Variants in SERINC5 observed in about 807,000 individuals in gnomAD.
SERINC5 encodes chromosome 5 open reading frame 12.
In SERINC5, 41 loss-of-function variants were observed where a neutral mutation model predicts 63.1. The ratio of observed to expected loss-of-function variants is 0.65; its 90% CI spans 0.51 to 0.84. The LOEUF (loss-of-function observed/expected upper bound fraction) is 0.84. Ranked by LOEUF, SERINC5 falls within the 40% of genes least tolerant of loss-of-function variation. SERINC5 has a pLI of 0.00. For synonymous variants in SERINC5, 222 were observed against 215.2 expected (o/e 1.03, Z -0.28); for missense variants, 523 against 573.0 (o/e 0.91, Z 0.89).
In SERINC5 at chr5:80,141,779, G is replaced by A. The variant is rs1745525538; in HGVS notation, c.*1884C>T. 1 of 985,242 alleles carries A rather than the reference G, an allele frequency of 1.0e-6. No homozygotes were observed. The highest frequency in any genetic ancestry group is 1.2e-6 in the Non-Finnish European group (1 of 829,934). The allele number at this position is 985,242 out of a possible 1,614,324, so 61.0% of individuals were successfully genotyped here. ...TCCAGATGAATCTTTTAACTGCTGA[G>A]TACAGAGCTCCTGCCCTAAAAAAGG... is the stretch of plus-strand genomic sequence containing the variant. On this transcript the variant is annotated 3_prime_UTR_variant, in exon 12 of 12. Coordinates refer to ENST00000507668, the MANE Select transcript of SERINC5 (RefSeq NM_001174072.3).
At chr5:80,190,926 C>G (rs1446966561) in intron 2 of SERINC5, among the ~76,000 whole-genome samples, 1 of 145,276 alleles carries the variant, frequency 6.9e-6, no homozygotes, top group Non-Finnish European at 1.5e-5. Flanking sequence ...CCCAGACCCT[C>G]ATTTTCTCCA....
At chr5:80,243,693 CCCAGGAGTTTGGGA>C (rs892639845) in intron 1 of SERINC5, among the ~76,000 whole-genome samples, 1 of 151,546 alleles carries the variant, frequency 6.6e-6, no homozygotes, top group African/African-American at 2.4e-5. Flanking sequence ...ATTGCTTAAG[CCCAGGAGTTTGGGA>C]CCAGCCTGGG....
chr5:80,210,616 C>T (rs1750388818), intron 1 of SERINC5, among the ~76,000 whole-genome samples: 1 of 152,068 alleles, frequency 6.6e-6, no homozygotes, highest in Non-Finnish European at 1.5e-5. Flanking sequence ...ATTACAAAAT[C>T]GGCATGCACA....
downstream of SERINC5, among the ~76,000 whole-genome samples, chr5:80,136,527 T>TA (rs1745185876): frequency 1.3e-5 from 2 of 152,078 alleles, no homozygotes; most frequent in African/African-American, 4.8e-5. Context: ...CATACCATAT[T>TA]AAAAAATCAA....
At chr5:80,178,333 T>A (rs1197669966) in intron 2 of SERINC5, among the ~76,000 whole-genome samples, 1 of 151,274 alleles carries the variant, frequency 6.6e-6, no homozygotes, top group Non-Finnish European at 1.5e-5. Flanking sequence ...AATTACCTTT[T>A]TTTTAACCGC....
chr5:80,163,546 GT>G (rs796186802), intron 7 of SERINC5, among the ~76,000 whole-genome samples: 2,963 of 143,478 alleles, frequency 0.021, 70 homozygotes, highest in African/African-American at 0.056. Flanking sequence ...TTTATTGAGG[GT>G]TTTTTTTTTT....
intron 11 of SERINC5, among the ~76,000 whole-genome samples, 170 bp downstream of exon 11, chr5:80,145,920 G>C (rs535921607): frequency 6.6e-6 from 1 of 152,326 alleles, no homozygotes; most frequent in East Asian, 1.9e-4. Flanking sequence ...TGAGGCACAA[G>C]AATCGCTTGA....
chr5:80,186,050 T>C (rs1181242256), intron 2 of SERINC5, among the ~76,000 whole-genome samples: 1 of 146,498 alleles, frequency 6.8e-6, no homozygotes, highest in Non-Finnish European at 1.5e-5. Context: ...CTGAACATCT[T>C]AGAATTAGTA....
intron 2 of SERINC5, among the ~76,000 whole-genome samples, chr5:80,201,387 GCT>G (rs1036204829): frequency 2.0e-5 from 3 of 152,204 alleles, no homozygotes; most frequent in African/African-American, 7.2e-5. Context: ...CACGCCTGCT[GCT>G]CTCTCTTCCT....
intron 2 of SERINC5, among the ~76,000 whole-genome samples, chr5:80,186,418 G>T (rs150756942): frequency 6.6e-6 from 1 of 152,124 alleles, no homozygotes; most frequent in South Asian, 2.1e-4. Flanking sequence ...GATTACAGGC[G>T]TGAGCCACCG....
intron 11 of SERINC5, chr5:80,128,259 T>G: frequency 6.6e-6 from 1 of 152,202 alleles, no homozygotes; most frequent in East Asian, 1.9e-4. Flanking sequence ...AAACATGCAA[T>G]GAATTTTTCT....
chr5:80,188,282 C>CAAAAAAAAAAAAAAAAAAAA (rs34863168), intron 2 of SERINC5, among the ~76,000 whole-genome samples: 1 of 82,794 alleles, frequency 1.2e-5, no homozygotes. Context: ...GACTCCGTCT[C>CAAAAAAAAAAAAAAAAAAAA]AAAAAAAAAA....
At chr5:80,249,298 C>G (rs1752296687) in intron 1 of SERINC5, among the ~76,000 whole-genome samples, 2 of 148,966 alleles carry the variant, frequency 1.3e-5, no homozygotes, top group Middle Eastern at 3.6e-3. Flanking sequence ...CTGGGCAACA[C>G]AGCGAGACTC....
intron 2 of SERINC5, among the ~76,000 whole-genome samples, chr5:80,184,788 G>T (rs2112440167): frequency 6.6e-6 from 1 of 152,312 alleles, no homozygotes; most frequent in South Asian, 2.1e-4. Flanking sequence ...ACACCACAGG[G>T]TGAAAGGAAT....
At chr5:80,195,219 G>A (rs1749424446) in intron 2 of SERINC5, among the ~76,000 whole-genome samples, 1 of 151,590 alleles carries the variant, frequency 6.6e-6, no homozygotes, top group South Asian at 2.1e-4. Context: ...CTGGGAGGCA[G>A]AGGTTGTGGT....
chr5:80,186,000 T>C (rs1748773844), intron 2 of SERINC5, among the ~76,000 whole-genome samples: 1 of 151,874 alleles, frequency 6.6e-6, no homozygotes, highest in South Asian at 2.1e-4. Context: ...CATTACATGA[T>C]CCACAAACTA....
chr5:80,190,008 A>G (rs1265550568), intron 2 of SERINC5, among the ~76,000 whole-genome samples: 1 of 152,004 alleles, frequency 6.6e-6, no homozygotes, highest in African/African-American at 2.4e-5. Context: ...CACCTCACTC[A>G]GCCAAAATTA....
rs555046582 is a variant in SERINC5 at position 80,174,700 on chromosome 5, G to A, written c.551+254C>T. Among the ~76,000 whole-genome samples the A allele has an allele frequency of 1.2e-4, 19 of 152,172 alleles. No homozygotes were observed. In the East Asian group the frequency reaches 2.3e-3, roughly 19 times the overall value. On this transcript the variant is annotated intron_variant, in intron 5 of 11. Transcript: ENST00000507668. ...GGGCGGATCACGAGGTCAGGAGATC[G>A]AGACCCGTACGAGCAGGGGATTGAG...
intron 1 of SERINC5, among the ~76,000 whole-genome samples, chr5:80,241,790 T>C (rs1751951620): frequency 6.6e-6 from 1 of 151,984 alleles, no homozygotes; most frequent in African/African-American, 2.4e-5. Context: ...AACATATGAG[T>C]AATTACATTA....
Sources: allele counts gnomAD v4.1 joint callset (sites outside exome capture counted in the v4.1 genomes callset), GRCh38; gene constraint gnomAD v4.1.1; transcripts MANE v1.5; gene names NCBI Gene and HGNC (gene_info 2026-07-23, HGNC 2026-07-21).